Variants in SCFD1 observed in about 807,000 individuals in gnomAD.
The protein encoded by SCFD1 is sec1 family domain containing 1, also known as sec1 family domain-containing protein 1.
Under a neutral mutation model 103.2 loss-of-function variants are expected in SCFD1, and 37 were observed. The ratio of observed to expected loss-of-function variants is 0.36; its 90% confidence interval spans 0.28 to 0.47. The LOEUF (loss-of-function observed/expected upper bound fraction) is 0.47. Ranked by LOEUF, SCFD1 falls within the 20% of genes least tolerant of loss-of-function variation. The pLI is 1.00. For missense variants in SCFD1, 639 were observed against 761.2 expected, an observed-to-expected ratio of 0.84 and a Z score of 1.89; for synonymous variants, 264 against 245.0, an observed-to-expected ratio of 1.08 and a Z score of -0.73.
At chr14:30,630,264 T>C (rs1883967687) in intron 2 of SCFD1, among the ~76,000 whole-genome samples, 1 of 152,228 alleles carries the variant, frequency 6.6e-6, no homozygotes, top group Non-Finnish European at 1.5e-5. Context: ...AACAATTCAG[T>C]ATATATGATG....
intron 19 of SCFD1, among the ~76,000 whole-genome samples, chr14:30,709,125 G>C (rs1197788206): frequency 6.6e-6 from 1 of 151,884 alleles, no homozygotes; most frequent in Non-Finnish European, 1.5e-5. Context: ...CAGTGAGAAG[G>C]GTTTTAAAGG....
At chr14:30,653,667 G>A (rs1886617410) in intron 10 of SCFD1, 79 bp downstream of exon 10, 2 of 976,594 alleles carry the variant, frequency 2.0e-6, no homozygotes, top group South Asian at 1.5e-5. Context: ...TAACATCATG[G>A]CTACAGAAAC....
Position 30,639,889 on chromosome 14 carries a change from A to G in SCFD1, c.523+25A>G, listed in dbSNP as rs778359890. On this transcript the variant is annotated intron_variant, in intron 6 of 24. Coordinates refer to ENST00000458591, the MANE Select transcript of SCFD1 (RefSeq NM_016106.4). ...GGTATGTAAAAATAGAAATGTTGCA[A>G]TTCTTTGTTAACAAAATGAATGGTA... 1.9e-6 allele frequency: 3 copies of G among 1,563,616 alleles called. No homozygotes were observed. In the South Asian group the frequency reaches 3.5e-5, roughly 18 times the overall value.
At chr14:30,627,111 C>G (rs1037263765) in intron 1 of SCFD1, among the ~76,000 whole-genome samples, 2 of 152,092 alleles carry the variant, frequency 1.3e-5, no homozygotes, top group African/African-American at 4.8e-5. Context: ...AACTAGTATA[C>G]TCTCTTGAAT....
intron 14 of SCFD1, among the ~76,000 whole-genome samples, chr14:30,691,668 A>G (rs1220554877): frequency 6.6e-6 from 1 of 152,202 alleles, no homozygotes; most frequent in Non-Finnish European, 1.5e-5. Flanking sequence ...ATTTTAGGAT[A>G]TTTACAGAGT....
intron 9 of SCFD1, among the ~76,000 whole-genome samples, chr14:30,651,790 T>C (rs772498968): frequency 6.6e-6 from 1 of 152,224 alleles, no homozygotes; most frequent in Non-Finnish European, 1.5e-5. Context: ...CTTGCTGGAC[T>C]ATTGTTAAAT....
intron 19 of SCFD1, among the ~76,000 whole-genome samples, chr14:30,711,142 A>G (rs1891840195): frequency 6.6e-6 from 1 of 151,838 alleles, no homozygotes; most frequent in Non-Finnish European, 1.5e-5. Context: ...ATAATTTTAG[A>G]TTTCTGTTTT....
intron 7 of SCFD1, among the ~76,000 whole-genome samples, chr14:30,645,055 G>T (rs977955037): frequency 6.6e-6 from 1 of 152,090 alleles, no homozygotes; most frequent in Non-Finnish European, 1.5e-5. Flanking sequence ...CGTATAGCTA[G>T]CCAGTTATCC....
chr14:30,645,020 G>A (rs1388584965), intron 7 of SCFD1, among the ~76,000 whole-genome samples: 1 of 152,110 alleles, frequency 6.6e-6, no homozygotes, highest in Non-Finnish European at 1.5e-5. Flanking sequence ...ATGGTGAAAG[G>A]AAGGGGTTCA....
chr14:30,635,154 C>T (rs1884594035), intron 4 of SCFD1: 2 of 355,200 alleles, frequency 5.6e-6, no homozygotes, highest in Non-Finnish European at 1.1e-5. Context: ...TTATGATGCC[C>T]AGCTTTCTCT....
chr14:30,642,514 T>G (rs146751126), intron 6 of SCFD1, among the ~76,000 whole-genome samples: 1 of 152,222 alleles, frequency 6.6e-6, no homozygotes, highest in Admixed American at 6.5e-5. Context: ...GTGATTCTTA[T>G]ACTCAGTAAA....
In SCFD1 at chr14:30,735,632, A is replaced by AATC. The variant is rs1566675045; in HGVS notation, c.*24_*26dup. 1 of 1,564,326 alleles carries AATC rather than the reference A, an allele frequency of 6.4e-7. No homozygotes were observed. Among genetic ancestry groups the AATC allele is most frequent in the African/African-American group, 1.4e-5 (1 of 73,290 alleles). On this transcript the variant is annotated 3_prime_UTR_variant, in exon 25 of 25. Transcript: ENST00000458591. ...TAACACAGAAGAACCTTACTATGAT[A>AATC]ATCTACTTGGAATGTGGATAAATGT...
chr14:30,734,747 T>G, intron 23 of SCFD1, 43 bp from the exon 24 acceptor site: 1 of 1,379,812 alleles, frequency 7.2e-7, no homozygotes, highest in Non-Finnish European at 1.0e-6. Flanking sequence ...ATTGAATATA[T>G]TTCTTGTTAC....
chr14:30,660,466 A>G (rs1009319410), intron 10 of SCFD1, among the ~76,000 whole-genome samples: 1 of 152,200 alleles, frequency 6.6e-6, no homozygotes, highest in Non-Finnish European at 1.5e-5. Context: ...TATTGTCAGC[A>G]TGATCCATCC....
chr14:30,682,329 C>T (rs11846087), intron 14 of SCFD1, among the ~76,000 whole-genome samples: 1 of 152,150 alleles, frequency 6.6e-6, no homozygotes, highest in Non-Finnish European at 1.5e-5. Context: ...GGCACATGAG[C>T]TAAGTTCATT....
intron 17 of SCFD1, among the ~76,000 whole-genome samples, chr14:30,704,265 T>C (rs1270742428): frequency 6.6e-6 from 1 of 152,002 alleles, no homozygotes; most frequent in Non-Finnish European, 1.5e-5. Context: ...AACCTCACAG[T>C]CCTGGGCTCA....
chr14:30,655,836 G>A (rs1286858252), intron 10 of SCFD1, among the ~76,000 whole-genome samples: 1 of 152,184 alleles, frequency 6.6e-6, no homozygotes, highest in African/African-American at 2.4e-5. Flanking sequence ...TATGTTAAAT[G>A]TGAGATGCCG....
At chr14:30,659,225 T>C (rs1447587107) in intron 10 of SCFD1, among the ~76,000 whole-genome samples, 2 of 151,316 alleles carry the variant, frequency 1.3e-5, no homozygotes, top group African/African-American at 4.8e-5. Context: ...TTTGTCTATA[T>C]GATGGAACAT....
Position 30,694,767 on chromosome 14 carries a change from A to G in SCFD1, c.1243-6A>G, listed in dbSNP as rs1160799646. The G allele has an allele frequency of 6.3e-7, 1 of 1,576,734 alleles. No individual in the cohort carries two copies. The highest frequency in any genetic ancestry group is 8.6e-7 in the Non-Finnish European group (1 of 1,169,186). On this transcript the variant is annotated splice_polypyrimidine_tract_variant and splice_region_variant and intron_variant, in intron 14 of 24. Coordinates refer to ENST00000458591, the MANE Select transcript of SCFD1 (RefSeq NM_016106.4). ...ATATTCTCATCTAATGTTTATTTTG[A>G]AACAGGCAAGAAAATTGGATGTATA... is the stretch of plus-strand genomic sequence containing the variant.
Sources: gnomAD v4.1 joint callset for allele counts (sites outside exome capture counted in the v4.1 genomes callset) on GRCh38, gnomAD v4.1.1 for gene constraint, MANE v1.5 for transcripts, NCBI Gene and HGNC (gene_info 2026-07-23, HGNC 2026-07-21) for gene names.